Variants in BRINP1 observed in about 807,000 individuals in gnomAD.
BRINP1 encodes the protein BMP/retinoic acid inducible neural specific 1.
BRINP1 carries 17 observed loss-of-function variants against 72.9 expected under a neutral mutation model. That is an observed-to-expected ratio of 0.23 (90% CI 0.16 to 0.35). The LOEUF (loss-of-function observed/expected upper bound fraction) is 0.35. BRINP1 is among the 10% of genes least tolerant of loss of function. BRINP1 has a pLI of 1.00. For synonymous variants in BRINP1, 418 were observed against 378.5 expected (o/e 1.10, Z -1.21); for missense variants, 850 against 1,001.6 (o/e 0.85, Z 2.04).
chr9:119,194,389 T>C (rs942044571), intron 7 of BRINP1, among the ~76,000 whole-genome samples: 1 of 152,198 alleles, frequency 6.6e-6, no homozygotes, highest in Non-Finnish European at 1.5e-5. Context: ...AAATGCCTTC[T>C]TCCTCCCCAA....
intron 2 of BRINP1, among the ~76,000 whole-genome samples, chr9:119,299,168 C>T (rs1404046566): frequency 6.6e-6 from 1 of 152,094 alleles, no homozygotes; most frequent in Admixed American, 6.5e-5. Context: ...GTTGAACAAT[C>T]GATCTTAAAT....
At chr9:119,185,648 G>T (rs1242755062) in intron 7 of BRINP1, among the ~76,000 whole-genome samples, 1 of 152,172 alleles carries the variant, frequency 6.6e-6, no homozygotes, top group African/African-American at 2.4e-5. Flanking sequence ...AAAGCAGGAT[G>T]ACTCTATAGA....
intron 7 of BRINP1, among the ~76,000 whole-genome samples, chr9:119,171,049 A>C (rs1279656620): frequency 7.0e-6 from 1 of 143,812 alleles, no homozygotes; most frequent in Non-Finnish European, 1.5e-5. Context: ...AAAGACCATC[A>C]AGACTAGAAA....
At chr9:119,312,370 T>C (rs148189918) in intron 2 of BRINP1, among the ~76,000 whole-genome samples, 153 of 152,316 alleles carry the variant, frequency 1.0e-3, no homozygotes, top group African/African-American at 3.6e-3. Context: ...GTATAGGTCA[T>C]TCCCTCAAAG....
chr9:119,296,873 G>A (rs923482911), intron 2 of BRINP1, among the ~76,000 whole-genome samples: 1 of 147,096 alleles, frequency 6.8e-6, no homozygotes, highest in Non-Finnish European at 1.5e-5. Context: ...GGAGAAATGG[G>A]GAGAGTTTGG....
intron 1 of BRINP1, among the ~76,000 whole-genome samples, chr9:119,362,626 T>G (rs1038552031): frequency 6.6e-6 from 1 of 152,168 alleles, no homozygotes; most frequent in East Asian, 1.9e-4. Flanking sequence ...AACTTCCAGC[T>G]TTCATTCTTT....
intron 1 of BRINP1, among the ~76,000 whole-genome samples, chr9:119,346,857 G>A (rs527925213): frequency 2.0e-5 from 3 of 152,282 alleles, no homozygotes; most frequent in South Asian, 2.1e-4. Flanking sequence ...GCCTTTTCAC[G>A]TTGGGGTTCT....
intron 2 of BRINP1, among the ~76,000 whole-genome samples, chr9:119,256,394 G>A (rs909140868): frequency 1.3e-5 from 2 of 152,116 alleles, no homozygotes; most frequent in African/African-American, 4.8e-5. Flanking sequence ...AGGGAAAGGT[G>A]GGATCTGATT....
intron 6 of BRINP1, among the ~76,000 whole-genome samples, chr9:119,209,301 AGT>A (rs1829894598): frequency 6.6e-6 from 1 of 152,232 alleles, no homozygotes; most frequent in Non-Finnish European, 1.5e-5. Context: ...GGTTGGGTGC[AGT>A]GGCTCACACC....
At chr9:119,268,878 T>C (rs1165231392) in intron 2 of BRINP1, among the ~76,000 whole-genome samples, 1 of 152,200 alleles carries the variant, frequency 6.6e-6, no homozygotes, top group African/African-American at 2.4e-5. Context: ...AAAATACTTC[T>C]TGTATGGAAA....
At chr9:119,220,563 T>C (rs1246167928) in intron 5 of BRINP1, among the ~76,000 whole-genome samples, 2 of 152,092 alleles carry the variant, frequency 1.3e-5, no homozygotes, top group African/African-American at 4.8e-5. Flanking sequence ...GTTTAATGCA[T>C]GCTTCCCACC....
In BRINP1 at chr9:119,349,790, G is replaced by GGGGAAAACACGTAGGC. The variant is rs577225018; in HGVS notation, c.-51+19250_-51+19265dup. ...GGGATCTGTGGAGGGGAAGTGCAGA[G>GGGGAAAACACGTAGGC]GGGAAAACACGTAGGCAGGAAAACC... On this transcript the variant is annotated intron_variant, in intron 1 of 7. Coordinates refer to ENST00000265922, the MANE Select transcript of BRINP1 (RefSeq NM_014618.3). Among the ~76,000 whole-genome samples, 36 of 152,284 alleles carry GGGGAAAACACGTAGGC rather than the reference G, an allele frequency of 2.4e-4. No homozygotes were observed. In the East Asian group the frequency reaches 5.2e-3, roughly 22 times the overall value.
At chr9:119,172,343 C>G (rs1410372946) in intron 7 of BRINP1, among the ~76,000 whole-genome samples, 1 of 151,992 alleles carries the variant, frequency 6.6e-6, no homozygotes, top group African/African-American at 2.4e-5. Context: ...TCAGAGAATA[C>G]TACAAACACC....
At chr9:119,236,121 A>G (rs1588172967) in intron 5 of BRINP1, among the ~76,000 whole-genome samples, 1 of 152,134 alleles carries the variant, frequency 6.6e-6, no homozygotes, top group East Asian at 1.9e-4. Flanking sequence ...GCAGCAAGTA[A>G]TTTTTGCTTC....
At chr9:119,273,428 G>T (rs1229771574) in intron 2 of BRINP1, among the ~76,000 whole-genome samples, 3 of 152,180 alleles carry the variant, frequency 2.0e-5, no homozygotes, top group Non-Finnish European at 2.9e-5. Flanking sequence ...CTGGGTTTCA[G>T]GGGTTGTGAG....
chr9:119,168,891 A>AAGTC (rs1219147899), intron 7 of BRINP1, among the ~76,000 whole-genome samples: 1 of 151,668 alleles, frequency 6.6e-6, no homozygotes, highest in Admixed American at 6.5e-5. Flanking sequence ...ATGTGAGTAT[A>AAGTC]AGTCAGTTCA....
intron 1 of BRINP1, 74 bp from the exon 2 acceptor site, chr9:119,313,479 T>G: frequency 1.5e-6 from 2 of 1,314,386 alleles, no homozygotes; most frequent in Non-Finnish European, 2.0e-6. Flanking sequence ...GGAAGAGGAG[T>G]AAAAGAAAAA....
At chr9:119,301,642 G>T (rs974925474) in intron 2 of BRINP1, among the ~76,000 whole-genome samples, 1 of 152,024 alleles carries the variant, frequency 6.6e-6, no homozygotes, top group Non-Finnish European at 1.5e-5. Flanking sequence ...TGGTAAAATG[G>T]CATAGAACTA....
intron 2 of BRINP1, among the ~76,000 whole-genome samples, chr9:119,268,560 G>A (rs1448232889): frequency 4.6e-5 from 7 of 152,120 alleles, no homozygotes. Context: ...GCAGTCTTTG[G>A]CCACCAAAGC....
Sources: allele counts gnomAD v4.1 joint callset (sites outside exome capture counted in the v4.1 genomes callset), GRCh38; gene constraint gnomAD v4.1.1; transcripts MANE v1.5; gene names NCBI Gene and HGNC (gene_info 2026-07-23, HGNC 2026-07-21).